The following SDK1 variants were observed in gnomAD, a reference collection of about 807,000 sequenced individuals.
SDK1 encodes the protein sidekick cell adhesion molecule 1.
A neutral mutation model predicts 245.5 loss-of-function variants in SDK1; 157 were observed. That is an observed-to-expected ratio of 0.64 (90% CI 0.56 to 0.73). The LOEUF is 0.73. Ranked by LOEUF, SDK1 falls within the 30% of genes least tolerant of loss-of-function variation. SDK1 has a pLI of 0.00. For missense variants in SDK1, 3,583 were observed against 3,002.3 expected (o/e 1.19, Z -4.52); for synonymous variants, 1,647 against 1,278.5 (o/e 1.29, Z -6.15).
intron 4 of SDK1, among the ~76,000 whole-genome samples, chr7:3,760,207 C>A (rs1780054059): frequency 6.6e-6 from 1 of 152,076 alleles, no homozygotes; most frequent in East Asian, 1.9e-4. Context: ...TGGGTGGCTG[C>A]ATATACAGTG....
intron 4 of SDK1, among the ~76,000 whole-genome samples, chr7:3,720,942 C>A (rs1184496038): frequency 6.6e-6 from 1 of 152,212 alleles, no homozygotes; most frequent in Non-Finnish European, 1.5e-5. Context: ...CTGATACACA[C>A]AACTGGGATA....
At chr7:3,330,578 T>C (rs1003095117) in intron 1 of SDK1, among the ~76,000 whole-genome samples, 2 of 152,094 alleles carry the variant, frequency 1.3e-5, no homozygotes, top group African/African-American at 4.8e-5. Context: ...CGTCTTGCCA[T>C]GTCATGATAC....
intron 1 of SDK1, among the ~76,000 whole-genome samples, chr7:3,483,382 A>G (rs996145901): frequency 3.3e-5 from 5 of 152,094 alleles, no homozygotes; most frequent in Admixed American, 2.0e-4. Context: ...TAAATTGGCT[A>G]TATTGAAGAT....
rs374787148 is a variant in SDK1, at chr7:4,242,006, G to A, written c.6251+93G>A. The stretch of plus-strand genomic sequence containing the variant: ...CGCCCACTGGCACCTCCTGCATCCC[G>A]CCCTGTGGTTCCAGGAAGCAAAACC... On this transcript the variant is annotated intron_variant, in intron 43 of 44. Coordinates refer to ENST00000404826, the MANE Select transcript of SDK1 (RefSeq NM_152744.4). 150 of 1,460,598 alleles carry A rather than the reference G, an allele frequency of 1.0e-4. No homozygotes were observed. The East Asian group carries it at 2.2e-3, about 21-fold the overall frequency. 90.5% of individuals were successfully genotyped at this position (1,460,598 alleles called of 1,614,324 possible).
Position 4,211,247 on chromosome 7 carries a change from A to T in SDK1, c.5539+1085A>T, listed in dbSNP as rs557975897. On this transcript the variant is annotated intron_variant, in intron 38 of 44. Transcript: ENST00000404826. ...TAGAAGAGCAGGGAAGGTGTTGCCAACACAGAGGACTTTGAAAGAGGAAAT... is the reference window on the plus strand; with the variant it reads ...TAGAAGAGCAGGGAAGGTGTTGCCATCACAGAGGACTTTGAAAGAGGAAAT... Among the ~76,000 whole-genome samples, 3 of 152,364 alleles carry T rather than the reference A, an allele frequency of 2.0e-5. 1 individual carries two copies. Among genetic ancestry groups the T allele is most frequent in the African/African-American group, 7.2e-5 (3 of 41,582 alleles).
At chr7:3,725,475 C>T (rs1255484994) in intron 4 of SDK1, among the ~76,000 whole-genome samples, 2 of 152,168 alleles carry the variant, frequency 1.3e-5, no homozygotes, top group African/African-American at 4.8e-5. Flanking sequence ...ATTCTCTATT[C>T]ATAGTTACAC....
intron 4 of SDK1, among the ~76,000 whole-genome samples, chr7:3,668,766 G>T (rs1783610466): frequency 6.6e-6 from 1 of 152,218 alleles, no homozygotes; most frequent in Non-Finnish European, 1.5e-5. Flanking sequence ...ACTCCAGCCT[G>T]AGTGATAGAG....
At chr7:3,422,247 C>G (rs1015448995) in intron 1 of SDK1, among the ~76,000 whole-genome samples, 5 of 151,766 alleles carry the variant, frequency 3.3e-5, no homozygotes, top group African/African-American at 1.2e-4. Flanking sequence ...GTCAGAGGAT[C>G]AATATTTAAA....
intron 4 of SDK1, among the ~76,000 whole-genome samples, chr7:3,693,230 A>C (rs1239360427): frequency 6.6e-6 from 1 of 151,868 alleles, no homozygotes; most frequent in South Asian, 2.1e-4. Flanking sequence ...TTTTTTCTTC[A>C]TTATCTCTGT....
At chr7:3,559,343 G>C (rs568730819) in intron 1 of SDK1, among the ~76,000 whole-genome samples, 1 of 152,056 alleles carries the variant, frequency 6.6e-6, no homozygotes, top group Non-Finnish European at 1.5e-5. Context: ...AGTATTGTCC[G>C]CGGTTATGCA....
At chr7:3,356,056 T>G (rs1215478787) in intron 1 of SDK1, among the ~76,000 whole-genome samples, 1 of 152,190 alleles carries the variant, frequency 6.6e-6, no homozygotes, top group African/African-American at 2.4e-5. Context: ...GATAACACGG[T>G]TTAAAAAGGA....
intron 14 of SDK1, among the ~76,000 whole-genome samples, chr7:4,004,127 A>G (rs1785280396): frequency 1.3e-5 from 2 of 152,238 alleles, no homozygotes; most frequent in Non-Finnish European, 2.9e-5. Flanking sequence ...CATCAGCAGT[A>G]GCTCCAAGAG....
chr7:4,179,606 C>G (rs1314330226), intron 35 of SDK1, among the ~76,000 whole-genome samples: 1 of 152,090 alleles, frequency 6.6e-6, no homozygotes, highest in African/African-American at 2.4e-5. Flanking sequence ...ATTTCTGCCT[C>G]TCTTTGCACG....
chr7:3,343,788 A>G (rs1339607977), intron 1 of SDK1, among the ~76,000 whole-genome samples: 1 of 152,192 alleles, frequency 6.6e-6, no homozygotes, highest in African/African-American at 2.4e-5. Context: ...AATACAGGTG[A>G]TAACAAGTAA....
chr7:3,542,437 C>T (rs1779079564), intron 1 of SDK1, among the ~76,000 whole-genome samples: 1 of 152,068 alleles, frequency 6.6e-6, no homozygotes, highest in Non-Finnish European at 1.5e-5. Context: ...CTCCCAGGCT[C>T]CTGGGCTGGG....
In SDK1 at chr7:4,119,510, G is replaced by A. The variant is rs144843976; in HGVS notation, c.3823+5236G>A. Among the ~76,000 whole-genome samples, 17 of 148,460 alleles carry A rather than the reference G, an allele frequency of 1.1e-4. 1 individual carries two copies. Among genetic ancestry groups the A allele is most frequent in the African/African-American group, 3.9e-4 (16 of 40,696 alleles). On this transcript the variant is annotated intron_variant, in intron 25 of 44. Transcript: ENST00000404826. ...TGTACACTTTGCGTATGGTTGGAAG[G>A]CCCAGAAAATCTGTGTGTAATATCT...
At chr7:4,023,746 T>A (rs561533744) in intron 17 of SDK1, among the ~76,000 whole-genome samples, 1 of 152,340 alleles carries the variant, frequency 6.6e-6, no homozygotes, top group East Asian at 1.9e-4. Flanking sequence ...TTCATATCGA[T>A]GCTGACTCGC....
chr7:3,560,551 T>G (rs191926444), intron 1 of SDK1, among the ~76,000 whole-genome samples: 71 of 152,326 alleles, frequency 4.7e-4, no homozygotes, highest in African/African-American at 1.6e-3. Context: ...CCATTGTCTC[T>G]TACCTGGATT....
intron 1 of SDK1, among the ~76,000 whole-genome samples, chr7:3,353,455 G>A (rs1780712955): frequency 1.3e-5 from 2 of 152,108 alleles, no homozygotes; most frequent in Admixed American, 6.5e-5. Context: ...ATTCAAATGA[G>A]CTGAGTTACA....
Sources: gnomAD v4.1 joint callset for allele counts (sites outside exome capture counted in the v4.1 genomes callset) on GRCh38, gnomAD v4.1.1 for gene constraint, MANE v1.5 for transcripts, NCBI Gene and HGNC (gene_info 2026-07-23, HGNC 2026-07-21) for gene names.